DENND1A: variants seen among roughly 807,000 people sequenced by gnomAD.
The protein encoded by DENND1A is DENN domain containing 1A, also known as DENN domain-containing protein 1A.
DENND1A carries 51 observed loss-of-function variants against 113.7 expected under a neutral mutation model. The observed-to-expected ratio is 0.45, with a 90% CI of 0.36 to 0.57. The LOEUF is 0.57. Among genes scored for constraint, DENND1A ranks in the 20% least tolerant of loss-of-function variants. The pLI, the probability that DENND1A is intolerant of heterozygous loss-of-function variation, is 0.00. For synonymous variants in DENND1A, 565 were observed against 570.8 expected (o/e 0.99, Z 0.14); for missense variants, 1,258 against 1,395.9 (o/e 0.90, Z 1.57).
At chr9:123,478,348 GTAGCTGTCAC>G (rs1196142926) in intron 13 of DENND1A, among the ~76,000 whole-genome samples, 1 of 152,220 alleles carries the variant, frequency 6.6e-6, no homozygotes, top group Non-Finnish European at 1.5e-5. Context: ...GGGCACCATG[GTAGCTGTCAC>G]TCCCAGCCAT....
chr9:123,541,032 T>C (rs2056250502), intron 13 of DENND1A, among the ~76,000 whole-genome samples: 1 of 152,246 alleles, frequency 6.6e-6, no homozygotes, highest in Non-Finnish European at 1.5e-5. Flanking sequence ...ATAACACTTA[T>C]TACCATCAGA....
intron 5 of DENND1A, among the ~76,000 whole-genome samples, chr9:123,699,688 CTTTTT>C (rs34215948): frequency 1.8e-5 from 2 of 112,410 alleles, no homozygotes; most frequent in African/African-American, 7.7e-5. Context: ...TTCTTTCTTT[CTTTTT>C]TTTTTTTTTT....
intron 11 of DENND1A, among the ~76,000 whole-genome samples, chr9:123,606,164 C>T (rs942076835): frequency 6.6e-6 from 1 of 152,106 alleles, no homozygotes; most frequent in Non-Finnish European, 1.5e-5. Context: ...CTAGAGCACT[C>T]GGAATCTGAG....
In DENND1A at chr9:123,381,293, A is replaced by T; in HGVS notation, c.*139T>A. 2 of 754,554 alleles carry T rather than the reference A, an allele frequency of 2.7e-6. No homozygotes were observed. Among genetic ancestry groups the T allele is most frequent in the Non-Finnish European group, 4.3e-6 (2 of 467,782 alleles). The allele number at this position is 754,554 out of a possible 1,614,324, so 46.7% of individuals were successfully genotyped here. ...ATCAGAGATGGGCAGTGTGGAGGGG[A>T]GGAGGGGGCAGCAGAGAGGGGTCCC... is the stretch of plus-strand genomic sequence containing the variant. On this transcript the variant is annotated 3_prime_UTR_variant, in exon 24 of 24. Transcript: ENST00000394215. The surrounding 1 kb of genome is among the most constrained non-coding windows in gnomAD (Gnocchi z 4.7).
chr9:123,634,621 G>T (rs763860034), intron 9 of DENND1A, among the ~76,000 whole-genome samples: 7 of 152,184 alleles, frequency 4.6e-5, no homozygotes. Flanking sequence ...TCAACAAAGG[G>T]ATATTGTAAA....
At chr9:123,516,032 C>T (rs753016391) in intron 13 of DENND1A, among the ~76,000 whole-genome samples, 5 of 151,836 alleles carry the variant, frequency 3.3e-5, no homozygotes, top group Admixed American at 6.6e-5. Context: ...CATGATTGTG[C>T]CACTGCACTC....
At chr9:123,848,194 T>C (rs890431209) in intron 2 of DENND1A, among the ~76,000 whole-genome samples, 7 of 126,494 alleles carry the variant, frequency 5.5e-5, no homozygotes, top group Non-Finnish European at 1.1e-4. Context: ...TGTATGGGCA[T>C]AGTTTGTTTT....
Position 123,915,854 on chromosome 9 carries a change from C to T in DENND1A, c.17+14035G>A, listed in dbSNP as rs1588232395. The stretch of plus-strand genomic sequence containing the variant: ...ATATATGTTTGTAACTTTGCATGCA[C>T]TTGTAACTGATAAAAATAATTTTTA... On this transcript the variant is annotated intron_variant, in intron 1 of 23. Coordinates refer to ENST00000394215, the MANE Select transcript of DENND1A (RefSeq NM_001352964.2). Among the ~76,000 whole-genome samples the T allele has an allele frequency of 3.3e-5, 5 of 152,104 alleles. 1 individual carries two copies. The highest frequency in any genetic ancestry group is 3.3e-4 in the Admixed American group (5 of 15,280).
intron 19 of DENND1A, among the ~76,000 whole-genome samples, chr9:123,423,278 G>A (rs542453973): frequency 2.0e-5 from 3 of 152,306 alleles, no homozygotes; most frequent in East Asian, 3.9e-4. Context: ...CAACTCACCG[G>A]CCCCTTTTGC....
intron 2 of DENND1A, among the ~76,000 whole-genome samples, chr9:123,818,567 C>CATATAT (rs148656992): frequency 1.4e-3 from 60 of 42,064 alleles, no homozygotes; most frequent in African/African-American, 2.1e-3. Flanking sequence ...CACACACACA[C>CATATAT]ATATATATAT....
chr9:123,795,611 CT>C (rs1833650116), intron 2 of DENND1A, among the ~76,000 whole-genome samples: 1 of 152,174 alleles, frequency 6.6e-6, no homozygotes. Flanking sequence ...AGCTGCATTT[CT>C]TTGAGTTTTA....
intron 13 of DENND1A, among the ~76,000 whole-genome samples, chr9:123,462,990 T>TGGC (rs1180539767): frequency 6.6e-6 from 1 of 152,014 alleles, no homozygotes; most frequent in Non-Finnish European, 1.5e-5. Context: ...CAAGTAAAAA[T>TGGC]GGCGGCCCCC....
chr9:123,419,269 G>A (rs894249078), intron 19 of DENND1A, among the ~76,000 whole-genome samples: 1 of 152,238 alleles, frequency 6.6e-6, no homozygotes, highest in African/African-American at 2.4e-5. Flanking sequence ...GCTAGCCTCT[G>A]AAGCTGGCCC....
At chr9:123,661,384 G>A (rs1261643833) in intron 8 of DENND1A, among the ~76,000 whole-genome samples, 1 of 152,138 alleles carries the variant, frequency 6.6e-6, no homozygotes, top group African/African-American at 2.4e-5. Flanking sequence ...GGCTTACACT[G>A]AAAATGAGTA....
chr9:123,707,578 A>G (rs990330657), intron 5 of DENND1A, among the ~76,000 whole-genome samples: 2 of 152,156 alleles, frequency 1.3e-5, no homozygotes, highest in African/African-American at 4.8e-5. Flanking sequence ...TATATCAAAG[A>G]GAAGGCAGTG....
chr9:123,401,672 C>A, intron 21 of DENND1A: 5 of 1,483,516 alleles, frequency 3.4e-6, no homozygotes, highest in Non-Finnish European at 3.6e-6. Flanking sequence ...AACAACAAAC[C>A]AACCAACCAA....
At chr9:123,634,434 C>T (rs1368971995) in intron 9 of DENND1A, among the ~76,000 whole-genome samples, 1 of 152,174 alleles carries the variant, frequency 6.6e-6, no homozygotes, top group Admixed American at 6.5e-5. Flanking sequence ...ACAAGACTTA[C>T]TATATATCTA....
At chr9:123,403,583 A>C (rs1190270483) in intron 20 of DENND1A, 93 bp from the exon 21 acceptor site, 1 of 1,185,464 alleles carries the variant, frequency 8.4e-7, no homozygotes, top group African/African-American at 1.5e-5. Flanking sequence ...GGCCCCCCCA[A>C]AAAACGTTTA....
chr9:123,838,871 G>T (rs1403278579), intron 2 of DENND1A, among the ~76,000 whole-genome samples: 1 of 152,146 alleles, frequency 6.6e-6, no homozygotes, highest in Non-Finnish European at 1.5e-5. Flanking sequence ...AAATACAGCA[G>T]ATAACGGAAA....
Sources: gnomAD v4.1 joint callset for allele counts (sites outside exome capture counted in the v4.1 genomes callset) on GRCh38, gnomAD v4.1.1 for gene constraint, Gnocchi (gnomAD v3.1) non-coding constraint, MANE v1.5 for transcripts, NCBI Gene and HGNC (gene_info 2026-07-23, HGNC 2026-07-21) for gene names.